Variants in CRTC3 observed in about 807,000 individuals in gnomAD.
CRTC3 encodes the protein CREB-regulated transcription coactivator 3.
Under a neutral mutation model 74.5 loss-of-function variants are expected in CRTC3, and 26 were observed. The ratio of observed to expected loss-of-function variants is 0.35; its 90% confidence interval spans 0.26 to 0.48. The LOEUF is 0.48. CRTC3 is among the 20% of genes least tolerant of loss of function. The probability of loss-of-function intolerance (pLI) is 0.99; values close to 1 mark genes in which losing one functional copy is unlikely to be tolerated. For missense variants in CRTC3, 760 were observed against 787.3 expected (o/e 0.97, Z 0.41); for synonymous variants, 377 against 325.8 (o/e 1.16, Z -1.69).
chr15:90,584,422 A>T (rs565213195), intron 2 of CRTC3, among the ~76,000 whole-genome samples: 1 of 152,232 alleles, frequency 6.6e-6, no homozygotes, highest in Non-Finnish European at 1.5e-5. Context: ...TTTTTAGTAG[A>T]CATGGGGTTT....
intron 2 of CRTC3, among the ~76,000 whole-genome samples, chr15:90,561,998 C>T (rs1382859960): frequency 6.6e-6 from 1 of 152,212 alleles, no homozygotes; most frequent in East Asian, 1.9e-4. Context: ...GTCAGTGCCT[C>T]AAGGAACTCC....
intron 1 of CRTC3, among the ~76,000 whole-genome samples, chr15:90,538,692 A>C (rs1034926616): frequency 6.6e-6 from 1 of 151,930 alleles, no homozygotes; most frequent in Non-Finnish European, 1.5e-5. Flanking sequence ...TACTATTTGA[A>C]ATCTTTCATA....
chr15:90,572,038 TGTAATCC>T (rs1021359540), intron 2 of CRTC3, among the ~76,000 whole-genome samples: 3 of 152,004 alleles, frequency 2.0e-5, no homozygotes, highest in Non-Finnish European at 4.4e-5. Context: ...GGTGTGTGCC[TGTAATCC>T]CAGCTACTTG....
At chr15:90,599,769 G>A (rs1428009364) in intron 3 of CRTC3, among the ~76,000 whole-genome samples, 2 of 152,284 alleles carry the variant, frequency 1.3e-5, no homozygotes, top group East Asian at 3.9e-4. Context: ...TGATGATTAC[G>A]TGACTATTAC....
intron 2 of CRTC3, among the ~76,000 whole-genome samples, chr15:90,551,431 A>C (rs1475837757): frequency 6.6e-6 from 1 of 152,154 alleles, no homozygotes; most frequent in Non-Finnish European, 1.5e-5. Context: ...GTATTTAATT[A>C]AGATTAAATA....
At chr15:90,611,222 C>T (rs940574192) in intron 6 of CRTC3, among the ~76,000 whole-genome samples, 5 of 152,068 alleles carry the variant, frequency 3.3e-5, no homozygotes, top group African/African-American at 1.2e-4. Flanking sequence ...AGGGGTCTTC[C>T]CCTTGCCTTC....
chr15:90,581,530 T>G (rs191407663), intron 2 of CRTC3, among the ~76,000 whole-genome samples: 87 of 152,302 alleles, frequency 5.7e-4, no homozygotes, highest in African/African-American at 2.0e-3. Context: ...CTTCATCTCT[T>G]TTTTTGGCAT....
rs146507187 is a variant in CRTC3 at position 90,533,700 on chromosome 15, T to A, written c.132+3497T>A. ...AGTAATGAGCAAGCAAAACACAGTG[T>A]CCCAGTGGATTTTAGGATTTAATGA... On this transcript the variant is annotated intron_variant, in intron 1 of 14. Transcript: ENST00000268184. Among the ~76,000 whole-genome samples, 25 of 152,252 alleles carry A rather than the reference T, an allele frequency of 1.6e-4. No individual in the cohort carries two copies. The East Asian group carries it at 4.8e-3, about 29-fold the overall frequency.
At chr15:90,583,767 CA>C (rs1253040465) in intron 2 of CRTC3, among the ~76,000 whole-genome samples, 3 of 152,072 alleles carry the variant, frequency 2.0e-5, no homozygotes, top group Non-Finnish European at 4.4e-5. Flanking sequence ...GGGCTGCTGT[CA>C]GAGAGGCTGG....
chr15:90,598,206 G>T (rs1158032273), intron 3 of CRTC3: 13 of 538,668 alleles, frequency 2.4e-5, no homozygotes, highest in Non-Finnish European at 4.3e-5. Context: ...CCTGAGCCCT[G>T]CCCAGGTACA....
intron 5 of CRTC3, among the ~76,000 whole-genome samples, chr15:90,604,999 G>A (rs894823764): frequency 1.3e-5 from 2 of 152,124 alleles, no homozygotes; most frequent in East Asian, 3.8e-4. Context: ...GGTGGCTCAC[G>A]CCTATAGTCC....
rs1596112173 is a variant in CRTC3 at position 90,598,562 on chromosome 15, ACT to A, written c.352-3759_352-3758del. 17 of 700,692 alleles carry A rather than the reference ACT, an allele frequency of 2.4e-5. No individual in the cohort carries two copies. In the East Asian group the frequency reaches 4.6e-4, roughly 19 times the overall value. 43.4% of individuals were successfully genotyped at this position (700,692 alleles called of 1,614,324 possible). A position where few individuals can be genotyped will look rare whatever the true frequency, so the allele number is the denominator to read the frequency against. On this transcript the variant is annotated intron_variant, in intron 3 of 14. Coordinates refer to ENST00000268184, the MANE Select transcript of CRTC3 (RefSeq NM_022769.5). ...GGGAGAGAGAGAACACACTGGGATG[ACT>A]CTGAGATCCTAACATGAGTGTCTTG... is the stretch of plus-strand genomic sequence containing the variant.
chr15:90,535,924 G>A (rs956685881), intron 1 of CRTC3, among the ~76,000 whole-genome samples: 1 of 152,170 alleles, frequency 6.6e-6, no homozygotes. Context: ...TAGAGCCAGG[G>A]TTTGAATCTA....
At chr15:90,603,363 A>T (rs1220553742) in intron 4 of CRTC3, among the ~76,000 whole-genome samples, 1 of 151,688 alleles carries the variant, frequency 6.6e-6, no homozygotes, top group African/African-American at 2.4e-5. Context: ...GAATGGCGTG[A>T]ACCCAGGAGG....
At chr15:90,555,768 T>C (rs7168764) in intron 2 of CRTC3, among the ~76,000 whole-genome samples, 130,897 of 152,250 alleles carry the variant, frequency 0.86, 56,549 homozygotes, top group Middle Eastern at 0.93. Flanking sequence ...CTGCCTGCCT[T>C]GGCCTCCCCA....
At chr15:90,631,902 A>G (rs1969053779) in intron 11 of CRTC3, among the ~76,000 whole-genome samples, 1 of 151,304 alleles carries the variant, frequency 6.6e-6, no homozygotes, top group African/African-American at 2.4e-5. Context: ...CCCTGCCATA[A>G]TTTTTATTTT....
In CRTC3 at chr15:90,641,361, C is replaced by T. The variant is rs573725366; in HGVS notation, c.1651+162C>T. ...GATGCAGGTGTCCAGCCTCAGAGACCGTGACACAGGGCGGTGGGCCTGGTA... is the reference window on the plus strand; with the variant it reads ...GATGCAGGTGTCCAGCCTCAGAGACTGTGACACAGGGCGGTGGGCCTGGTA... On this transcript the variant is annotated intron_variant, in intron 14 of 14. Transcript: ENST00000268184. The T allele has an allele frequency of 2.0e-4, 123 of 606,702 alleles. 1 individual carries two copies. The East Asian group carries it at 3.0e-3, about 15-fold the overall frequency. 37.6% of individuals were successfully genotyped at this position (606,702 alleles called of 1,614,324 possible).
intron 2 of CRTC3, among the ~76,000 whole-genome samples, chr15:90,584,683 A>T (rs905072029): frequency 6.6e-6 from 1 of 152,192 alleles, no homozygotes; most frequent in African/African-American, 2.4e-5. Flanking sequence ...AAGCAGCATC[A>T]TGGGCAAGCT....
intron 2 of CRTC3, among the ~76,000 whole-genome samples, chr15:90,558,135 T>TCCTTGCATTGTCTC (rs1966933106): frequency 6.6e-6 from 1 of 152,164 alleles, no homozygotes; most frequent in Non-Finnish European, 1.5e-5. Context: ...CACCCATAAC[T>TCCTTGCATTGTCTC]CCTTGCATTG....
Sources: allele counts gnomAD v4.1 joint callset (sites outside exome capture counted in the v4.1 genomes callset), GRCh38; gene constraint gnomAD v4.1.1; transcripts MANE v1.5; gene names NCBI Gene and HGNC (gene_info 2026-07-23, HGNC 2026-07-21).